Variants in PKP2 observed in about 807,000 individuals in gnomAD.
PKP2 encodes the protein plakophilin 2.
A neutral mutation model predicts 83.4 loss-of-function variants in PKP2; 73 were observed. The observed-to-expected ratio is 0.88, with a 90% CI of 0.72 to 1.06. PKP2 has a LOEUF of 1.06. Among genes scored for constraint, PKP2 ranks in the 50% least tolerant of loss-of-function variants. PKP2 has a pLI of 0.00. For synonymous variants in PKP2, 409 were observed against 430.4 expected, an observed-to-expected ratio of 0.95 and a Z score of 0.62; for missense variants, 966 against 1,065.4, an observed-to-expected ratio of 0.91 and a Z score of 1.30.
intron 3 of PKP2, among the ~76,000 whole-genome samples, chr12:32,876,697 T>C (rs537918735): frequency 1.3e-5 from 2 of 152,094 alleles, no homozygotes; most frequent in Non-Finnish European, 2.9e-5. Context: ...ACCCAGCTAA[T>C]ATTTGTATTG....
chr12:32,802,630 C>A, intron 9 of PKP2, 74 bp from the exon 10 acceptor site: 1 of 1,248,572 alleles, frequency 8.0e-7, no homozygotes, highest in Non-Finnish European at 1.2e-6. Context: ...CTGTAGATTA[C>A]CAGAGGTTGA....
chr12:32,854,142 A>G (rs1956725126), intron 4 of PKP2, among the ~76,000 whole-genome samples: 3 of 152,204 alleles, frequency 2.0e-5, no homozygotes, highest in Admixed American at 1.3e-4. Context: ...TCAAAATATG[A>G]TGGGAAATGG....
Position 32,802,489 on chromosome 12 carries a change from A to C in PKP2, c.2081T>G (p.Leu694Arg), listed in dbSNP as rs794729115. The C allele has an allele frequency of 6.2e-7, 1 of 1,614,086 alleles. No individual in the cohort carries two copies. The highest frequency in any genetic ancestry group is 1.3e-5 in the African/African-American group (1 of 75,052). Residue 694 changes from leucine (L) to arginine (R), a missense_variant, in exon 10 of 13, where the codon CTG becomes CGG. Physicochemically the swap from Leu to Arg is moderately radical, Grantham distance 102. Transcript: ENST00000340811. Reference protein sequence around the residue: ...ESGLQHTRKMLHVGDPSVKKT... With the variant: ...ESGLQHTRKMRHVGDPSVKKT... ...TTTCACACTTGGGTCACCAACATGC[A>C]GCATCTTTCGGGTGTGCTGCAGGCC...
chr12:32,841,223 T>A lies in PKP2; in HGVS notation c.1379-18A>T. The stretch of plus-strand genomic sequence containing the variant: ...CAGCAAACCTAGAAAAGCACAGAGT[T>A]ACCATGAAAACAGTGCAGGGTGGGA... On this transcript the variant is annotated intron_variant, in intron 5 of 12. Coordinates refer to ENST00000340811, the MANE Select transcript of PKP2 (RefSeq NM_001005242.3). The A allele has an allele frequency of 1.2e-6, 2 of 1,608,876 alleles. No homozygotes were observed. Among genetic ancestry groups the A allele is most frequent in the Non-Finnish European group, 8.5e-7 (1 of 1,176,654 alleles).
rs2137964333 is a variant in PKP2 at position 32,882,346 on chromosome 12, T to TCAC, written c.224-3315_224-3314insGTG. On this transcript the variant is annotated intron_variant, in intron 1 of 12. Coordinates refer to ENST00000340811, the MANE Select transcript of PKP2 (RefSeq NM_001005242.3). ...ACGGCAGGTGATGAAAGCAGGCAATTTTAGGAATTCAAGAAAAACTCTGTA... is the reference window on the plus strand; with the variant it reads ...ACGGCAGGTGATGAAAGCAGGCAATTCACTTAGGAATTCAAGAAAAACTCTGTA... Among the ~76,000 whole-genome samples, 10 of 152,180 alleles carry TCAC rather than the reference T, an allele frequency of 6.6e-5. No homozygotes were observed. In the South Asian group the frequency reaches 2.1e-3, roughly 32 times the overall value.
intron 4 of PKP2, among the ~76,000 whole-genome samples, chr12:32,855,280 T>A (rs1272389523): frequency 6.6e-6 from 1 of 152,142 alleles, no homozygotes; most frequent in Non-Finnish European, 1.5e-5. Flanking sequence ...TGTTGAGGTA[T>A]CCACGGGAGA....
At chr12:32,841,857 T>A (rs545356312) in intron 5 of PKP2, among the ~76,000 whole-genome samples, 3 of 152,214 alleles carry the variant, frequency 2.0e-5, no homozygotes, top group Non-Finnish European at 4.4e-5. Flanking sequence ...TATCCTTATT[T>A]TATAGTTTGG....
intron 4 of PKP2, among the ~76,000 whole-genome samples, chr12:32,854,847 AAC>A (rs998745423): frequency 2.0e-5 from 3 of 152,182 alleles, no homozygotes; most frequent in Admixed American, 2.0e-4. Context: ...AAGCATAGGG[AAC>A]ACACAGCCTC....
rs1956080201 is a variant in PKP2, at chr12:32,792,630, G to A, written c.2445+14C>T. On this transcript the variant is annotated intron_variant, in intron 12 of 12. Coordinates refer to ENST00000340811, the MANE Select transcript of PKP2 (RefSeq NM_001005242.3). ...CTCTGTTAACTATGACACATTCCTTGTTCATGTTCTTACCTTCTTGTAGGC... is the reference window on the plus strand; with the variant it reads ...CTCTGTTAACTATGACACATTCCTTATTCATGTTCTTACCTTCTTGTAGGC... 11 of 1,607,092 alleles carry A rather than the reference G, an allele frequency of 6.8e-6. No individual in the cohort carries two copies. The highest frequency in any genetic ancestry group is 9.4e-6 in the Non-Finnish European group (11 of 1,173,604).
intron 3 of PKP2, among the ~76,000 whole-genome samples, chr12:32,869,861 A>G (rs1273059064): frequency 6.6e-6 from 1 of 152,028 alleles, no homozygotes; most frequent in Non-Finnish European, 1.5e-5. Context: ...CTTTACAAAA[A>G]ACAAACAGAC....
At chr12:32,888,794 CTTT>C (rs35583236) in intron 1 of PKP2, among the ~76,000 whole-genome samples, 11 of 136,928 alleles carry the variant, frequency 8.0e-5, no homozygotes, top group African/African-American at 1.1e-4. Context: ...CGCCCGGCCT[CTTT>C]TTTTTTTTTT....
chr12:32,818,359 G>A (rs1477241805), intron 9 of PKP2, among the ~76,000 whole-genome samples: 2 of 152,034 alleles, frequency 1.3e-5, no homozygotes, highest in Non-Finnish European at 2.9e-5. Flanking sequence ...TACTCAAGAG[G>A]CTGAGGCACG....
intron 8 of PKP2, 25 bp from the exon 9 acceptor site, chr12:32,821,554 G>A: frequency 6.2e-7 from 1 of 1,612,186 alleles, no homozygotes; most frequent in Non-Finnish European, 8.5e-7. Flanking sequence ...AAGGAATCCA[G>A]AATTAATGCA....
chr12:32,888,905 C>G (rs933548049), intron 1 of PKP2, among the ~76,000 whole-genome samples: 22 of 151,560 alleles, frequency 1.5e-4, no homozygotes, highest in Non-Finnish European at 1.8e-4. Context: ...ATTCTCCTGT[C>G]TCGGCCTCTC....
chr12:32,815,129 A>G (rs1256325696), intron 9 of PKP2, among the ~76,000 whole-genome samples: 1 of 152,194 alleles, frequency 6.6e-6, no homozygotes, highest in East Asian at 1.9e-4. Flanking sequence ...AAGGAACTCA[A>G]TGTTGCTAGT....
rs759180353 is a variant in PKP2, at chr12:32,796,318, A to C, written c.2168-20T>G. 1.8e-5 allele frequency: 27 copies of C among 1,524,974 alleles called. No individual in the cohort carries two copies. Among genetic ancestry groups the C allele is most frequent in the African/African-American group, 5.6e-5 (4 of 71,760 alleles). 94.5% of individuals were successfully genotyped at this position (1,524,974 alleles called of 1,614,324 possible). ...CTTTGGCTACAAAATGAAAAAAAAAACAAAACACTTGATTAAAAAGATTGT... is the reference window on the plus strand; with the variant it reads ...CTTTGGCTACAAAATGAAAAAAAAACCAAAACACTTGATTAAAAAGATTGT... On this transcript the variant is annotated intron_variant, in intron 10 of 12. Transcript: ENST00000340811.
chr12:32,895,838 G>A (rs910740326), intron 1 of PKP2, among the ~76,000 whole-genome samples: 1 of 152,212 alleles, frequency 6.6e-6, no homozygotes, highest in Non-Finnish European at 1.5e-5. Flanking sequence ...GGTAGGAAGC[G>A]CAGCTAGGCG....
chr12:32,894,417 T>C (rs1029327232), intron 1 of PKP2: 2 of 152,230 alleles, frequency 1.3e-5, no homozygotes, highest in Non-Finnish European at 2.9e-5. Context: ...ATTTGATGCT[T>C]GCTGAATTCA....
At chr12:32,811,157 T>A (rs1956274148) in intron 9 of PKP2, among the ~76,000 whole-genome samples, 1 of 152,250 alleles carries the variant, frequency 6.6e-6, no homozygotes, top group Non-Finnish European at 1.5e-5. Context: ...GCTCCAGGTC[T>A]TTTTGTTAGC....
Sources: allele counts gnomAD v4.1 joint callset (sites outside exome capture counted in the v4.1 genomes callset), GRCh38; gene constraint gnomAD v4.1.1; transcripts MANE v1.5; gene names NCBI Gene and HGNC (gene_info 2026-07-23, HGNC 2026-07-21).